ZCCHC2: variants seen among roughly 807,000 people sequenced by gnomAD.
ZCCHC2 encodes zinc finger CCHC-type containing 2.
A neutral mutation model predicts 103.6 loss-of-function variants in ZCCHC2; 39 were observed. The observed-to-expected ratio is 0.38, with a 90% CI of 0.29 to 0.49. ZCCHC2 has a LOEUF of 0.49. Among genes scored for constraint, ZCCHC2 ranks in the 20% least tolerant of loss-of-function variants. The pLI is 0.96. For missense variants in ZCCHC2, 1,483 were observed against 1,491.0 expected, an observed-to-expected ratio of 0.99 and a Z score of 0.09; for synonymous variants, 687 against 608.9, an observed-to-expected ratio of 1.13 and a Z score of -1.89.
At chr18:62,533,524 C>CA (rs1914785817) in intron 1 of ZCCHC2, among the ~76,000 whole-genome samples, 1 of 150,574 alleles carries the variant, frequency 6.6e-6, no homozygotes. Context: ...GACTTCGTCT[C>CA]AAAAAAAGAA....
intron 7 of ZCCHC2, 148 bp downstream of exon 7, chr18:62,558,918 A>G (rs1232682992): frequency 6.0e-6 from 3 of 500,850 alleles, no homozygotes; most frequent in Non-Finnish European, 1.1e-5. Context: ...ACCATTCAAT[A>G]AATGGTGTGT....
chr18:62,565,724 C>G (rs1377092046), intron 11 of ZCCHC2, among the ~76,000 whole-genome samples: 1 of 152,146 alleles, frequency 6.6e-6, no homozygotes, highest in Non-Finnish European at 1.5e-5. Flanking sequence ...AGCACGCAGA[C>G]CTCTAGGAGA....
Position 62,574,124 on chromosome 18 carries a change from C to T in ZCCHC2, c.2043C>T (p.Val681=). The T allele has an allele frequency of 6.2e-7, 1 of 1,613,998 alleles. No individual in the cohort carries two copies. Among genetic ancestry groups the T allele is most frequent in the Non-Finnish European group, 8.5e-7 (1 of 1,179,872 alleles). ...STTRFTGYGS[V]NQTVTVKPPV... is the part of the protein sequence containing the mutation. ...CTAGGTTTACAGGTTACGGTTCTGT[C>T]AACCAGACTGTCACTGTCAAGCCAC... The change falls in exon 13 of 14, where the codon GTC becomes GTT. Residue 681 remains valine, a synonymous_variant. Transcript: ENST00000269499.
At chr18:62,576,416 C>G (rs768624916) in intron 13 of ZCCHC2, 96 bp from the exon 14 acceptor site, 1 of 1,065,270 alleles carries the variant, frequency 9.4e-7, no homozygotes, top group Non-Finnish European at 1.4e-6. Flanking sequence ...ACGAAGGTGC[C>G]TTGTGGAGAG....
At chr18:62,530,106 C>T (rs1037382575) in intron 1 of ZCCHC2, among the ~76,000 whole-genome samples, 19 of 152,140 alleles carry the variant, frequency 1.2e-4, no homozygotes, top group Non-Finnish European at 4.4e-5. Flanking sequence ...GTACCAATTC[C>T]TCATGGGTAT....
At chr18:62,532,520 C>T (rs1234660157) in intron 1 of ZCCHC2, among the ~76,000 whole-genome samples, 1 of 152,198 alleles carries the variant, frequency 6.6e-6, no homozygotes. Flanking sequence ...GGACCCTGGC[C>T]TCTAATAGGC....
At chr18:62,557,489 G>A (rs1041363232) in intron 6 of ZCCHC2, among the ~76,000 whole-genome samples, 10 of 152,164 alleles carry the variant, frequency 6.6e-5, no homozygotes, top group Non-Finnish European at 1.0e-4. Flanking sequence ...TAATGCTAAC[G>A]TAATTATCAA....
At chr18:62,569,498 C>T (rs1181055202) in intron 11 of ZCCHC2, among the ~76,000 whole-genome samples, 3 of 123,174 alleles carry the variant, frequency 2.4e-5, no homozygotes, top group Non-Finnish European at 3.4e-5. Flanking sequence ...AGGGCCACTA[C>T]AGGAAAAAAA....
intron 7 of ZCCHC2, among the ~76,000 whole-genome samples, chr18:62,560,025 A>C (rs1433575383): frequency 6.6e-6 from 1 of 152,234 alleles, no homozygotes; most frequent in African/African-American, 2.4e-5. Flanking sequence ...ATATTGAAAC[A>C]TGTAACAGCT....
chr18:62,548,263 T>A (rs960509853), intron 4 of ZCCHC2, among the ~76,000 whole-genome samples: 5 of 151,076 alleles, frequency 3.3e-5, no homozygotes, highest in Non-Finnish European at 7.4e-5. Context: ...TATATATATA[T>A]TTTTTTTAGC....
chr18:62,569,040 C>T (rs1309433288), intron 11 of ZCCHC2, among the ~76,000 whole-genome samples: 2 of 152,156 alleles, frequency 1.3e-5, no homozygotes, highest in Non-Finnish European at 2.9e-5. Context: ...TTCCTTCTAG[C>T]CTCATAAGAT....
intron 1 of ZCCHC2, among the ~76,000 whole-genome samples, chr18:62,527,227 A>C (rs940620819): frequency 6.6e-6 from 1 of 152,088 alleles, no homozygotes; most frequent in Admixed American, 6.5e-5. Context: ...CCTGGCTCTC[A>C]CAGGACTTCC....
chr18:62,560,568 A>G lies in ZCCHC2; in HGVS notation c.1493-19A>G, dbSNP rs545439413. On this transcript the variant is annotated intron_variant, in intron 7 of 13. Coordinates refer to ENST00000269499, the MANE Select transcript of ZCCHC2 (RefSeq NM_017742.6). ...GCTGCAGCATTTAGTGTAATAAGTT[A>G]CTTTTTCCTCTCTTCTAGATGTGTT... 6 of 1,609,036 alleles carry G rather than the reference A, an allele frequency of 3.7e-6. No homozygotes were observed. The South Asian group carries it at 4.4e-5, about 12-fold the overall frequency.
In ZCCHC2 at chr18:62,575,088, C is replaced by T; in HGVS notation, c.3007C>T (p.Pro1003Ser). 1 of 1,614,004 alleles carries T rather than the reference C, an allele frequency of 6.2e-7. No homozygotes were observed. The highest frequency in any genetic ancestry group is 8.5e-7 in the Non-Finnish European group (1 of 1,179,888). The change falls in exon 13 of 14, where the codon CCA becomes TCA. Residue 1003 changes from proline to serine, a missense_variant. Around this residue, in one of 3 missense-constraint regions of ZCCHC2, gnomAD observed 884 missense variants for 907.5 expected, o/e 0.97. Coordinates refer to ENST00000269499, the MANE Select transcript of ZCCHC2 (RefSeq NM_017742.6). ...GNTNANGTVV[P>S]PQQMGSGPCG... ...CACGAACGCTAATGGGACAGTAGTGCCACCGCAGCAGATGGGCTCAGGTCC... is the reference window on the plus strand; with the variant it reads ...CACGAACGCTAATGGGACAGTAGTGTCACCGCAGCAGATGGGCTCAGGTCC...
At chr18:62,555,531 A>G (rs1214277419) in intron 5 of ZCCHC2, among the ~76,000 whole-genome samples, 2 of 152,214 alleles carry the variant, frequency 1.3e-5, no homozygotes, top group African/African-American at 4.8e-5. Context: ...GCCAAAGGCC[A>G]GGCTCAGTGG....
chr18:62,585,229 T>C (rs751737399), exon 15 of ZCCHC2: 22 of 152,248 alleles, frequency 1.4e-4, no homozygotes, highest in African/African-American at 4.1e-4. Flanking sequence ...TGTACAGATA[T>C]CTCCACTCGC....
Position 62,575,145 on chromosome 18 carries a change from G to A in ZCCHC2, c.3064G>A (p.Gly1022Arg), listed in dbSNP as rs779214231. Residue 1022 changes from glycine (G) to arginine (R), a missense_variant, in exon 13 of 14, where the codon GGG becomes AGG. This residue lies in a region of ZCCHC2 where 884 missense variants were observed against 907.5 expected (regional missense o/e 0.97). Transcript: ENST00000269499. Reference protein sequence around the residue: ...CGSCGRRCSCGTNGNLQLNSY... With the variant: ...CGSCGRRCSCRTNGNLQLNSY... ...TTCTTGTGGGCGAAGGTGCAGCTGTGGGACCAATGGAAACCTTCAGCTAAA... is the reference window on the plus strand; with the variant it reads ...TTCTTGTGGGCGAAGGTGCAGCTGTAGGACCAATGGAAACCTTCAGCTAAA... The A allele has an allele frequency of 2.5e-6, 4 of 1,613,982 alleles. No homozygotes were observed. Among genetic ancestry groups the A allele is most frequent in the Non-Finnish European group, 3.4e-6 (4 of 1,179,894 alleles).
chr18:62,527,239 T>G (rs932046244), intron 1 of ZCCHC2, among the ~76,000 whole-genome samples: 6 of 152,184 alleles, frequency 3.9e-5, no homozygotes, highest in African/African-American at 1.4e-4. Context: ...AGGACTTCCT[T>G]GTATCCAGTA....
intron 1 of ZCCHC2, among the ~76,000 whole-genome samples, chr18:62,534,254 G>A (rs1444658022): frequency 2.0e-5 from 3 of 151,372 alleles, no homozygotes; most frequent in African/African-American, 7.3e-5. Context: ...AGGCTGAAGT[G>A]AGCCGTGATT....
Sources: gnomAD v4.1 joint callset for allele counts (sites outside exome capture counted in the v4.1 genomes callset) on GRCh38, gnomAD v4.1.1 for gene constraint, gnomAD v4.1.1 regional missense constraint, MANE v1.5 for transcripts, NCBI Gene and HGNC (gene_info 2026-07-23, HGNC 2026-07-21) for gene names.